Variants in DCHS2 observed in about 807,000 individuals in gnomAD.
The protein encoded by DCHS2 is protocadherin-23.
In DCHS2, 142 loss-of-function variants were observed where a neutral mutation model predicts 182.4. That is an observed-to-expected ratio of 0.78 (90% CI 0.68 to 0.89). DCHS2 has a LOEUF of 0.89. DCHS2 is among the 40% of genes least tolerant of loss of function. DCHS2 has a pLI of 0.00. For synonymous variants in DCHS2, 1,740 were observed against 1,663.3 expected, an observed-to-expected ratio of 1.05 and a Z score of -1.12; for missense variants, 4,319 against 4,198.6, an observed-to-expected ratio of 1.03 and a Z score of -0.79.
chr4:154,357,772 T>TA (rs1478211616), intron 3 of DCHS2, among the ~76,000 whole-genome samples: 1 of 152,160 alleles, frequency 6.6e-6, no homozygotes, highest in African/African-American at 2.4e-5. Flanking sequence ...GGACAGGGCT[T>TA]AAAAACAACT....
intron 1 of DCHS2, among the ~76,000 whole-genome samples, chr4:154,464,476 G>A (rs6821162): frequency 0.03 from 4,528 of 152,148 alleles, 155 homozygotes; most frequent in African/African-American, 0.081. Flanking sequence ...AGGATATAAA[G>A]TCCATTTATA....
chr4:154,239,802 C>T (rs1454619455), intron 18 of DCHS2, among the ~76,000 whole-genome samples: 1 of 152,146 alleles, frequency 6.6e-6, no homozygotes, highest in Non-Finnish European at 1.5e-5. Flanking sequence ...AGCCACCACG[C>T]CTGGCCAGAA....
Position 154,234,883 on chromosome 4 carries a change from G to A in DCHS2, c.9769C>T (p.Leu3257=). 1 of 1,614,078 alleles carries A rather than the reference G, an allele frequency of 6.2e-7. No homozygotes were observed. The highest frequency in any genetic ancestry group is 1.7e-5 in the Admixed American group (1 of 60,016). ...GGCATATGCAAATGTTCATCCTTTAGTTTTGCAATATCATTAAATACTGAG... is the reference window on the plus strand; with the variant it reads ...GGCATATGCAAATGTTCATCCTTTAATTTTGCAATATCATTAAATACTGAG... ...LASVFNDIAK[L]KDEHLHMPGI... is the part of the protein sequence containing the mutation. The change falls in exon 20 of 20, where the codon CTA becomes TTA. Residue 3257 remains leucine, a synonymous_variant. Coordinates refer to ENST00000357232, the MANE Select transcript of DCHS2 (RefSeq NM_001358235.2).
chr4:154,435,439 C>CA (rs1435068637), intron 1 of DCHS2, among the ~76,000 whole-genome samples: 3 of 151,802 alleles, frequency 2.0e-5, no homozygotes, highest in East Asian at 3.9e-4. Flanking sequence ...TACTAAAATG[C>CA]AAAAAAATTA....
chr4:154,302,933 GTA>G (rs35404890), intron 12 of DCHS2, among the ~76,000 whole-genome samples: 35,304 of 106,060 alleles, frequency 0.33, 5,805 homozygotes, highest in East Asian at 0.5. Flanking sequence ...ATAGATATAC[GTA>G]TACACACACA....
At chr4:154,388,368 A>C (rs1473057570) in intron 1 of DCHS2, among the ~76,000 whole-genome samples, 6 of 152,184 alleles carry the variant, frequency 3.9e-5, no homozygotes, top group African/African-American at 1.4e-4. Flanking sequence ...TTTATGCAAA[A>C]AAATTCAGTG....
chr4:154,451,150 G>A (rs930485009), intron 1 of DCHS2, among the ~76,000 whole-genome samples: 1 of 152,184 alleles, frequency 6.6e-6, no homozygotes, highest in Non-Finnish European at 1.5e-5. Context: ...TTGGGCCAAA[G>A]GATCTGGCAG....
At chr4:154,265,492 C>T (rs1172154678) in intron 14 of DCHS2, among the ~76,000 whole-genome samples, 2 of 152,038 alleles carry the variant, frequency 1.3e-5, no homozygotes, top group Non-Finnish European at 2.9e-5. Context: ...AAAATGTCAG[C>T]GATCAGTTGG....
intron 1 of DCHS2, chr4:154,486,595 G>C: frequency 7.9e-7 from 1 of 1,261,636 alleles, no homozygotes; most frequent in Non-Finnish European, 1.0e-6. Context: ...ATGTCATTAA[G>C]CAAAGCCATG....
rs555858974 is a variant in DCHS2 at position 154,369,312 on chromosome 4, C to G, written c.2245-2871G>C. On this transcript the variant is annotated intron_variant, in intron 2 of 19. Transcript: ENST00000357232. The stretch of plus-strand genomic sequence containing the variant: ...CTATGCCTCAGAACTTCTCACAGAG[C>G]CTTTTGCACATACATTTCTAGAGGG... 7.9e-5 allele frequency among the ~76,000 whole-genome samples: 12 copies of G among 152,322 alleles called. No individual in the cohort carries two copies. The South Asian group carries it at 1.9e-3, about 24-fold the overall frequency.
At chr4:154,361,074 A>G (rs929397831) in intron 3 of DCHS2, among the ~76,000 whole-genome samples, 2 of 150,036 alleles carry the variant, frequency 1.3e-5, no homozygotes, top group Admixed American at 1.3e-4. Flanking sequence ...GATAAGCTAC[A>G]TTCTGTTTAT....
chr4:154,339,313 G>A (rs774383907), intron 3 of DCHS2, among the ~76,000 whole-genome samples: 1 of 152,134 alleles, frequency 6.6e-6, no homozygotes, highest in Non-Finnish European at 1.5e-5. Flanking sequence ...TCTAGGGCTG[G>A]CCATCTGCTT....
chr4:154,489,985 C>G lies in DCHS2; in HGVS notation c.1371G>C (p.Glu457Asp). ...DWEKEDEATG[E>D]LGVGLGDGSI... ...TCCCGTCTCCAAGACCCACACCAAG[C>G]TCCCCTGTGGCCTCATCTTCCTTCT... is the stretch of plus-strand genomic sequence containing the variant. Residue 457 changes from glutamate to aspartate, a missense_variant, in exon 1 of 20, where the codon GAG becomes GAC. By Grantham distance (45) the Glu-to-Asp change is conservative. Transcript: ENST00000357232. 6.5e-7 allele frequency: 1 copy of G among 1,549,568 alleles called. No individual in the cohort carries two copies. Among genetic ancestry groups the G allele is most frequent in the Non-Finnish European group, 8.7e-7 (1 of 1,146,298 alleles).
chr4:154,481,773 GTT>G (rs1485183289), intron 1 of DCHS2, among the ~76,000 whole-genome samples: 1 of 152,136 alleles, frequency 6.6e-6, no homozygotes, highest in Non-Finnish European at 1.5e-5. Context: ...GCTTACAAAG[GTT>G]TAGGAATTTA....
At chr4:154,411,719 G>A (rs1732641786) in intron 1 of DCHS2, among the ~76,000 whole-genome samples, 1 of 152,176 alleles carries the variant, frequency 6.6e-6, no homozygotes, top group Non-Finnish European at 1.5e-5. Context: ...AGCTGCTCTT[G>A]CCACCAGGTG....
chr4:154,298,850 T>C, intron 12 of DCHS2, 142 bp from the exon 13 acceptor site: 1 of 1,263,374 alleles, frequency 7.9e-7, no homozygotes, highest in Non-Finnish European at 1.0e-6. Context: ...TTTGTAAATA[T>C]TGGGGATATA....
intron 1 of DCHS2, among the ~76,000 whole-genome samples, chr4:154,424,061 G>C (rs1733221693): frequency 6.6e-6 from 1 of 152,188 alleles, no homozygotes; most frequent in African/African-American, 2.4e-5. Flanking sequence ...CTTAACAAAT[G>C]CTTGATGAAT....
intron 1 of DCHS2, among the ~76,000 whole-genome samples, 188 bp downstream of exon 1, chr4:154,489,116 G>C (rs1380381073): frequency 4.6e-5 from 5 of 108,760 alleles, no homozygotes; most frequent in African/African-American, 1.6e-4. Flanking sequence ...ATGTAGCCAA[G>C]ACCCTGGCAA....
At position 154,333,419 on chromosome 4, in the gene DCHS2, C is replaced by T. The variant is rs1319514268; in HGVS notation, c.2789G>A (p.Gly930Asp). 8.7e-6 allele frequency: 14 copies of T among 1,613,896 alleles called. No homozygotes were observed. The highest frequency in any genetic ancestry group is 1.2e-5 in the Non-Finnish European group (14 of 1,180,030). ...CAGGGGCTTCCGGGTGCGAATAGTG[C>T]CCAGCCGCGGGTGAATGGAGAACTT... is the stretch of plus-strand genomic sequence containing the variant. The part of the protein sequence containing the change: ...GGKFSIHPRL[G>D]TIRTRKPLDH... The change falls in exon 5 of 20, where the codon GGC becomes GAC. Residue 930 changes from glycine (G) to aspartate (D), a missense_variant. Coordinates refer to ENST00000357232, the MANE Select transcript of DCHS2 (RefSeq NM_001358235.2).
Sources: gnomAD v4.1 joint callset for allele counts (sites outside exome capture counted in the v4.1 genomes callset) on GRCh38, gnomAD v4.1.1 for gene constraint, MANE v1.5 for transcripts, NCBI Gene and HGNC (gene_info 2026-07-23, HGNC 2026-07-21) for gene names.